EXD1: variants seen among roughly 807,000 people sequenced by gnomAD.
EXD1 encodes the protein piRNA biogenesis protein EXD1.
In EXD1, 63 loss-of-function variants were observed where a neutral mutation model predicts 49.1. The observed-to-expected ratio is 1.28, with a 90% confidence interval of 1.05 to 1.58. The LOEUF (loss-of-function observed/expected upper bound fraction) is 1.58, where lower values mean the gene tolerates loss of function less well. Ranked by LOEUF, EXD1 falls within the 40% of genes most tolerant of loss-of-function variation. The pLI, the probability that EXD1 is intolerant of heterozygous loss-of-function variation, is 0.00. For synonymous variants in EXD1, 234 were observed against 239.2 expected (o/e 0.98, Z 0.20); for missense variants, 748 against 666.0 (o/e 1.12, Z -1.36).
chr15:41,205,103 T>G (rs892246314), intron 7 of EXD1, among the ~76,000 whole-genome samples: 2 of 152,234 alleles, frequency 1.3e-5, no homozygotes, highest in African/African-American at 2.4e-5. Context: ...GTCTTCGTTC[T>G]GAAGGTTCTC....
intron 1 of EXD1, among the ~76,000 whole-genome samples, chr15:41,229,882 A>T (rs1158449841): frequency 6.6e-6 from 1 of 152,166 alleles, no homozygotes; most frequent in Non-Finnish European, 1.5e-5. Flanking sequence ...GGTAACACTT[A>T]AAACTAGTAA....
intron 7 of EXD1, among the ~76,000 whole-genome samples, chr15:41,205,636 A>G (rs949716129): frequency 6.6e-6 from 1 of 151,162 alleles, no homozygotes; most frequent in Non-Finnish European, 1.5e-5. Context: ...AAAGTTAGCT[A>G]TCACGGTGGG....
intron 3 of EXD1, chr15:41,219,429 A>G (rs2047053113): frequency 6.4e-6 from 1 of 156,908 alleles, no homozygotes; most frequent in Admixed American, 6.4e-5. Context: ...TGGAGGTGTT[A>G]TGTAATATGA....
intron 7 of EXD1, among the ~76,000 whole-genome samples, chr15:41,202,178 T>G (rs1030991190): frequency 5.3e-5 from 8 of 150,392 alleles, no homozygotes; most frequent in African/African-American, 1.7e-4. Flanking sequence ...TTTTTTTAAT[T>G]TAATTTTATT....
chr15:41,199,005 C>T (rs1047999383), intron 7 of EXD1, among the ~76,000 whole-genome samples: 1 of 151,308 alleles, frequency 6.6e-6, no homozygotes, highest in African/African-American at 2.4e-5. Context: ...AATCTGTTGC[C>T]CAGGCTGGAG....
At chr15:41,202,770 T>C (rs2046752289) in intron 7 of EXD1, among the ~76,000 whole-genome samples, 1 of 152,032 alleles carries the variant, frequency 6.6e-6, no homozygotes, top group Admixed American at 6.6e-5. Flanking sequence ...CCACAAAAAT[T>C]AGCCAGGCCC....
chr15:41,191,488 G>T lies in EXD1; in HGVS notation c.818C>A (p.Ala273Asp), dbSNP rs1156795314. 1 of 1,613,026 alleles carries T rather than the reference G, an allele frequency of 6.2e-7. No individual in the cohort carries two copies. The highest frequency in any genetic ancestry group is 1.7e-4 in the Middle Eastern group (1 of 6,060). The change falls in exon 10 of 12, where the codon GCC becomes GAC. Residue 273 changes from alanine (A) to aspartate (D), a missense_variant. Physicochemically the swap from Ala to Asp is moderately radical, Grantham distance 126. Transcript: ENST00000458580. ...TTCTAGAAAGGAGAGATATTTAGGG[G>T]CTACTTGAAGGTGTTTGATTAAACT... ...QESLIKHLQV[A>D]PKYLSFLEKR...
chr15:41,195,953 C>T lies in EXD1; in HGVS notation c.619G>A (p.Glu207Lys), dbSNP rs2046605880. 1 of 1,611,944 alleles carries T rather than the reference C, an allele frequency of 6.2e-7. No homozygotes were observed. The highest frequency in any genetic ancestry group is 8.5e-7 in the Non-Finnish European group (1 of 1,179,404). ...AFHNGLQMILEDKRILKVIHD... is the reference protein window; with the variant it reads ...AFHNGLQMILKDKRILKVIHD... ...CTTACCTTCAAAATTCTCTTGTCTTCTAGTATCATCTGAAGTCCATTGTGG... is the reference window on the plus strand; with the variant it reads ...CTTACCTTCAAAATTCTCTTGTCTTTTAGTATCATCTGAAGTCCATTGTGG... The change falls in exon 8 of 12, where the codon GAA becomes AAA. Residue 207 changes from glutamate (E) to lysine (K), a missense_variant. Transcript: ENST00000458580.
rs772935122 is a variant in EXD1, at chr15:41,216,763, AT to A, written c.292del (p.Met98Ter). The A allele has an allele frequency of 6.2e-7, 1 of 1,613,834 alleles. No individual in the cohort carries two copies. The highest frequency in any genetic ancestry group is 1.1e-5 in the South Asian group (1 of 91,064). On this transcript the variant is annotated frameshift_variant, in exon 5 of 12. Coordinates refer to ENST00000458580, the MANE Select transcript of EXD1 (RefSeq NM_001286441.2). LOFTEE classifies it high-confidence loss of function. ...ACATACATTTAGGTCTTCAACTTTC[AT>A]TTTCTCCATCCAGGTTCTTTCTGCA... ...LHAERTWMEKMKVEDLNVCEP... is the reference protein window; with the variant it reads ...LHAERTWMEKXKVEDLNVCEP...
chr15:41,194,810 T>C (rs1178552152), intron 9 of EXD1, among the ~76,000 whole-genome samples: 1 of 152,204 alleles, frequency 6.6e-6, no homozygotes, highest in African/African-American at 2.4e-5. Context: ...ACAGCAATTA[T>C]GTTAGATTTT....
intron 9 of EXD1, among the ~76,000 whole-genome samples, chr15:41,193,441 TGG>T (rs879366576): frequency 6.6e-6 from 1 of 151,808 alleles, no homozygotes; most frequent in Non-Finnish European, 1.5e-5. Flanking sequence ...ACTCCGTTTC[TGG>T]GGGGGAAAAA....
chr15:41,216,902 A>G, intron 4 of EXD1, 107 bp from the exon 5 acceptor site: 1 of 1,495,480 alleles, frequency 6.7e-7, no homozygotes, highest in Non-Finnish European at 9.0e-7. Flanking sequence ...TTCATTAACT[A>G]GAGGACCCAT....
At chr15:41,225,774 G>C (rs535435652) in intron 2 of EXD1, among the ~76,000 whole-genome samples, 43 of 151,958 alleles carry the variant, frequency 2.8e-4, no homozygotes, top group African/African-American at 9.7e-4. Context: ...CGTAATTCCA[G>C]CCACTCGGGA....
rs771880504 is a variant in EXD1 at position 41,189,971 on chromosome 15, C to T, written c.1022G>A (p.Arg341His). 1.4e-5 allele frequency: 23 copies of T among 1,613,846 alleles called. No individual in the cohort carries two copies. Among genetic ancestry groups the T allele is most frequent in the East Asian group, 1.3e-4 (6 of 44,868 alleles). Residue 341 changes from arginine (R) to histidine (H), a missense_variant, in exon 11 of 12, where the codon CGC (arginine) becomes CAC (histidine). Arg to His is a conservative substitution (Grantham distance 29). Transcript: ENST00000458580. ...TLVDGYLNTYREGSADRLGGT... is the reference protein window; with the variant it reads ...TLVDGYLNTYHEGSADRLGGT... ...TCCAAGCCGGTCTGCAGACCCTTCG[C>T]GATACGTGTTTAGGTAACCATCCAC... is the stretch of plus-strand genomic sequence containing the variant.
chr15:41,208,369 GAAAAAAAAAAA>G (rs10586810), intron 7 of EXD1, among the ~76,000 whole-genome samples: 1 of 62,678 alleles, frequency 1.6e-5, no homozygotes, highest in Non-Finnish European at 3.4e-5. Context: ...ACTCATCTCT[GAAAAAAAAAAA>G]AAAAAAAAAA....
intron 9 of EXD1, among the ~76,000 whole-genome samples, chr15:41,195,101 C>T (rs1466814051): frequency 6.6e-6 from 1 of 152,088 alleles, no homozygotes; most frequent in Admixed American, 6.6e-5. Context: ...AAACCAGAAA[C>T]CCAGATCAGC....
chr15:41,191,606 A>G (rs1322438003), intron 9 of EXD1, 21 bp from the exon 10 acceptor site: 1 of 1,611,882 alleles, frequency 6.2e-7, no homozygotes, highest in African/African-American at 1.3e-5. Context: ...TTAAAAAGAC[A>G]AACAGACCAG....
intron 11 of EXD1, among the ~76,000 whole-genome samples, chr15:41,186,879 ATTCTTTTTTTTT>A (rs1198790153): frequency 5.1e-5 from 7 of 137,080 alleles, no homozygotes; most frequent in Non-Finnish European, 9.4e-5. Flanking sequence ...GGTTCAAGCG[ATTCTTTTTTTTT>A]TTCTTTTTTT....
At chr15:41,193,595 C>T (rs1420285555) in intron 9 of EXD1, among the ~76,000 whole-genome samples, 2 of 151,976 alleles carry the variant, frequency 1.3e-5, no homozygotes, top group Non-Finnish European at 2.9e-5. Flanking sequence ...TAAAAATCAG[C>T]CAGGCATGGT....
Sources: allele counts gnomAD v4.1 joint callset (sites outside exome capture counted in the v4.1 genomes callset), GRCh38; gene constraint gnomAD v4.1.1; transcripts MANE v1.5; gene names NCBI Gene and HGNC (gene_info 2026-07-23, HGNC 2026-07-21).